APLP2: variants seen among roughly 807,000 people sequenced by gnomAD.
APLP2 encodes CDEI box-binding protein.
In APLP2, 53 loss-of-function variants were observed where a neutral mutation model predicts 89.9. The observed-to-expected ratio is 0.59, with a 90% CI of 0.47 to 0.74. The LOEUF (loss-of-function observed/expected upper bound fraction) is 0.74. Among genes scored for constraint, APLP2 ranks in the 30% least tolerant of loss-of-function variants. The probability of loss-of-function intolerance (pLI) is 0.00; values close to 1 mark genes in which losing one functional copy is unlikely to be tolerated. For synonymous variants in APLP2, 372 were observed against 348.6 expected, an observed-to-expected ratio of 1.07 and a Z score of -0.75; for missense variants, 973 against 975.9, an observed-to-expected ratio of 1.00 and a Z score of 0.04.
chr11:130,109,803 C>T, intron 2 of APLP2: 1 of 502,418 alleles, frequency 2.0e-6, no homozygotes, highest in South Asian at 3.8e-5. Flanking sequence ...TGTGAGCTCT[C>T]AGTTCTTTAA....
At chr11:130,118,717 T>C (rs1565585064) in intron 3 of APLP2, among the ~76,000 whole-genome samples, 1 of 152,212 alleles carries the variant, frequency 6.6e-6, no homozygotes. Flanking sequence ...TTTTGCTATT[T>C]TTAAGCAATG....
intron 3 of APLP2, among the ~76,000 whole-genome samples, chr11:130,115,811 A>G (rs752574885): frequency 7.2e-5 from 11 of 152,234 alleles, no homozygotes; most frequent in Non-Finnish European, 1.0e-4. Flanking sequence ...GAGAGTAGCA[A>G]TGAAATGATA....
At chr11:130,108,912 A>C (rs1448683775) in intron 1 of APLP2, 8 of 152,340 alleles carry the variant, frequency 5.3e-5, no homozygotes, top group Admixed American at 2.0e-4. Context: ...ACCTGGATGA[A>C]GCTGGAAAGC....
At position 130,141,735 on chromosome 11, in the gene APLP2, T is replaced by C; in HGVS notation, c.1998+163T>C. The C allele has an allele frequency of 1.1e-6, 1 of 919,972 alleles. No individual in the cohort carries two copies. The highest frequency in any genetic ancestry group is 1.6e-6 in the Non-Finnish European group (1 of 617,434). The allele number at this position is 919,972 out of a possible 1,614,324, so 57.0% of individuals were successfully genotyped here. A position where few individuals can be genotyped will look rare whatever the true frequency, so the allele number is the denominator to read the frequency against. On this transcript the variant is annotated intron_variant, in intron 15 of 16. Transcript: ENST00000338167. The surrounding 1 kb of genome is among the most constrained non-coding windows in gnomAD (Gnocchi z 4.2). ...GGATAAGAAAGCTAAAATTAAAATC[T>C]CCATGGAGATTGGGAAGAGTGGGCG... is the stretch of plus-strand genomic sequence containing the variant.
chr11:130,081,468 A>T (rs569504511), intron 1 of APLP2, among the ~76,000 whole-genome samples: 2 of 152,338 alleles, frequency 1.3e-5, no homozygotes, highest in East Asian at 3.9e-4. Context: ...AAAGGAGGGA[A>T]AATGTTTATT....
chr11:130,084,834 A>G (rs1591768024), intron 1 of APLP2, among the ~76,000 whole-genome samples: 1 of 152,302 alleles, frequency 6.6e-6, no homozygotes, highest in Non-Finnish European at 1.5e-5. Flanking sequence ...AATAAATGAA[A>G]ACAGAATAGA....
At chr11:130,136,514 CAG>C (rs928255700) in intron 13 of APLP2, among the ~76,000 whole-genome samples, 1 of 152,082 alleles carries the variant, frequency 6.6e-6, no homozygotes, top group African/African-American at 2.4e-5. Context: ...AGTGGAGAGT[CAG>C]GGGTCGAATC....
In APLP2 at chr11:130,105,701, C is replaced by CTTTT. The variant is rs765278847; in HGVS notation, c.106-3712_106-3709dup. On this transcript the variant is annotated intron_variant, in intron 1 of 16. Transcript: ENST00000338167. ...CTCTCTCTCCCTGTCTTTCTGTCTG[C>CTTTT]TTTTTTTTTTTTTTTTTTTGAGATG... 6.8e-4 allele frequency among the ~76,000 whole-genome samples: 80 copies of CTTTT among 118,184 alleles called. 4 individuals are homozygous for CTTTT. Among genetic ancestry groups the CTTTT allele is most frequent in the Middle Eastern group, 4.3e-3 (1 of 234 alleles). 77.5% of individuals were successfully genotyped at this position (118,184 alleles called of 152,430 possible).
intron 1 of APLP2, among the ~76,000 whole-genome samples, chr11:130,096,289 G>A (rs1053600188): frequency 3.9e-5 from 6 of 152,294 alleles, no homozygotes; most frequent in African/African-American, 1.2e-4. Context: ...ATCATGGTGG[G>A]CCTTGCAAGC....
rs1390079465 is a variant in APLP2 at position 130,122,297 on chromosome 11, G to A, written c.714-8G>A. ...TTAACCTTCCTTTTTTTCTATTTTG[G>A]CCTTCAGTGAATTTCCTACTGAAGC... On this transcript the variant is annotated splice_region_variant and splice_polypyrimidine_tract_variant and intron_variant, in intron 5 of 16. Transcript: ENST00000338167. 1 of 1,609,532 alleles carries A rather than the reference G, an allele frequency of 6.2e-7. No homozygotes were observed. Among genetic ancestry groups the A allele is most frequent in the Admixed American group, 1.7e-5 (1 of 58,824 alleles).
chr11:130,111,940 G>A (rs542205693), intron 3 of APLP2, among the ~76,000 whole-genome samples: 36 of 152,286 alleles, frequency 2.4e-4, no homozygotes, highest in South Asian at 1.0e-3. Context: ...AGACTTTGCA[G>A]CCTGATTATC....
At chr11:130,130,210 A>G in intron 11 of APLP2, 44 bp downstream of exon 11, 3 of 1,613,668 alleles carry the variant, frequency 1.9e-6, no homozygotes, top group Non-Finnish European at 2.5e-6. Flanking sequence ...GGGCATTTCC[A>G]GTGGGGAACA....
At chr11:130,074,308 C>T (rs960954873) in intron 1 of APLP2, among the ~76,000 whole-genome samples, 4 of 152,070 alleles carry the variant, frequency 2.6e-5, no homozygotes, top group Non-Finnish European at 5.9e-5. Context: ...CTCCGTTTTT[C>T]AGGTTCAAGC....
intron 13 of APLP2, among the ~76,000 whole-genome samples, chr11:130,136,634 T>C (rs537251331): frequency 6.6e-6 from 1 of 152,242 alleles, no homozygotes; most frequent in African/African-American, 2.4e-5. Flanking sequence ...ACATCCAGCT[T>C]AGCCTTCAGA....
At position 130,122,443 on chromosome 11, in the gene APLP2, T is replaced by A; in HGVS notation, c.852T>A (p.Asn284Lys). The A allele has an allele frequency of 6.2e-7, 1 of 1,614,122 alleles. No individual in the cohort carries two copies. Among genetic ancestry groups the A allele is most frequent in the East Asian group, 2.2e-5 (1 of 44,888 alleles). ...YYDTFKGDDY[N>K]EENPTEPGSD... ...ACACCTTCAAAGGAGATGACTACAA[T>A]GAGGAGAATCCTACTGAACCCGGCA... is the stretch of plus-strand genomic sequence containing the variant. Residue 284 changes from asparagine to lysine, a missense_variant, in exon 6 of 17, where the codon AAT (asparagine) becomes AAA (lysine). Coordinates refer to ENST00000338167, the MANE Select transcript of APLP2 (RefSeq NM_001142276.2).
intron 1 of APLP2, among the ~76,000 whole-genome samples, chr11:130,072,105 T>C (rs1941211160): frequency 6.6e-6 from 1 of 152,152 alleles, no homozygotes; most frequent in African/African-American, 2.4e-5. Flanking sequence ...ACTGAATTAA[T>C]CTCTTACACC....
chr11:130,138,581 GTTTT>G (rs34805457), intron 13 of APLP2, among the ~76,000 whole-genome samples: 1 of 91,406 alleles, frequency 1.1e-5, no homozygotes, highest in Non-Finnish European at 2.0e-5. Context: ...CTGGTGGTAG[GTTTT>G]TTTTTTTTTT....
chr11:130,093,012 A>G (rs1368089291), intron 1 of APLP2, among the ~76,000 whole-genome samples: 1 of 152,136 alleles, frequency 6.6e-6, no homozygotes, highest in Non-Finnish European at 1.5e-5. Flanking sequence ...AAATGTGAGC[A>G]TTTAGCCCCC....
chr11:130,101,990 A>G (rs1039719968), intron 1 of APLP2: 2 of 456,162 alleles, frequency 4.4e-6, no homozygotes, highest in Non-Finnish European at 8.8e-6. Flanking sequence ...CTCATTGTGG[A>G]TGAGATTAAT....
Sources: gnomAD v4.1 joint callset for allele counts (sites outside exome capture counted in the v4.1 genomes callset) on GRCh38, gnomAD v4.1.1 for gene constraint, Gnocchi (gnomAD v3.1) non-coding constraint, MANE v1.5 for transcripts, NCBI Gene and HGNC (gene_info 2026-07-23, HGNC 2026-07-21) for gene names.